Variants in MCU observed in about 807,000 individuals in gnomAD.
MCU encodes the protein calcium uniporter protein, mitochondrial.
MCU carries 12 observed loss-of-function variants against 45.2 expected under a neutral mutation model. The ratio of observed to expected loss-of-function variants is 0.27; its 90% CI spans 0.17 to 0.43. The LOEUF (loss-of-function observed/expected upper bound fraction) is 0.43, where lower values mean the gene tolerates loss of function less well. Among genes scored for constraint, MCU ranks in the 20% least tolerant of loss-of-function variants. MCU has a pLI of 1.00. For synonymous variants in MCU, 160 were observed against 165.1 expected (o/e 0.97, Z 0.24); for missense variants, 324 against 436.7 (o/e 0.74, Z 2.30).
chr10:72,853,913 C>T (rs951637263), intron 2 of MCU, among the ~76,000 whole-genome samples: 4 of 152,044 alleles, frequency 2.6e-5, no homozygotes, highest in Admixed American at 2.6e-4. Flanking sequence ...GCAGGTGGAT[C>T]CCCTGAGGTC....
rs1193681306 is a variant in MCU, at chr10:72,873,013, GT to G, written c.861+1456del. 3.4e-3 allele frequency among the ~76,000 whole-genome samples: 301 copies of G among 88,848 alleles called. 1 individual carries two copies. Among genetic ancestry groups the G allele is most frequent in the African/African-American group, 9.6e-3 (207 of 21,528 alleles). 58.3% of individuals were successfully genotyped at this position (88,848 alleles called of 152,430 possible). ...TTGTTTTTGTTTTTTTGTTTTTTGG[GT>G]TTTTTTTTTTTTTTTTTTTTTTGAG... On this transcript the variant is annotated intron_variant, in intron 6 of 7. Transcript: ENST00000373053.
intron 1 of MCU, among the ~76,000 whole-genome samples, chr10:72,827,464 C>G (rs1428216866): frequency 6.6e-6 from 1 of 152,140 alleles, no homozygotes; most frequent in Admixed American, 6.6e-5. Flanking sequence ...AGTAGCTTAG[C>G]AGTAAAACAA....
chr10:72,736,235 C>A (rs1347913017), intron 1 of MCU, among the ~76,000 whole-genome samples: 1 of 151,892 alleles, frequency 6.6e-6, no homozygotes, highest in African/African-American at 2.4e-5. Context: ...AGCCTTTATT[C>A]TTTTCTGTAG....
intron 1 of MCU, chr10:72,736,641 C>T (rs933661949): frequency 6.6e-6 from 1 of 152,198 alleles, no homozygotes; most frequent in Non-Finnish European, 1.5e-5. Flanking sequence ...AGCCACACCT[C>T]CTCCTGCCAT....
chr10:72,788,922 A>G (rs922926473), intron 1 of MCU, among the ~76,000 whole-genome samples: 2 of 152,194 alleles, frequency 1.3e-5, no homozygotes, highest in Non-Finnish European at 2.9e-5. Flanking sequence ...ATTGCTGGAT[A>G]TATCTGAATC....
chr10:72,757,853 G>T (rs1234670440), intron 1 of MCU, among the ~76,000 whole-genome samples: 1 of 152,234 alleles, frequency 6.6e-6, no homozygotes, highest in African/African-American at 2.4e-5. Context: ...AAAACAAGCA[G>T]GTGTATATTC....
chr10:72,728,344 G>A (rs1670210283), intron 1 of MCU, among the ~76,000 whole-genome samples: 1 of 152,148 alleles, frequency 6.6e-6, no homozygotes, highest in African/African-American at 2.4e-5. Flanking sequence ...TTCGCCAAAC[G>A]AGAAAGGCTG....
At chr10:72,696,182 A>T (rs1349682275) in intron 1 of MCU, among the ~76,000 whole-genome samples, 2 of 149,920 alleles carry the variant, frequency 1.3e-5, no homozygotes, top group Admixed American at 1.3e-4. Flanking sequence ...AAAAAAAAAA[A>T]AAATTTTTTT....
chr10:72,695,886 G>A (rs1399155063), intron 1 of MCU, among the ~76,000 whole-genome samples: 1 of 151,514 alleles, frequency 6.6e-6, no homozygotes, highest in African/African-American at 2.4e-5. Context: ...TTTTTTGGCT[G>A]GGTGCGGTGG....
intron 1 of MCU, among the ~76,000 whole-genome samples, chr10:72,800,985 A>T (rs1052918888): frequency 6.6e-6 from 1 of 151,730 alleles, no homozygotes; most frequent in Non-Finnish European, 1.5e-5. Flanking sequence ...CTGTAGTCCT[A>T]GGTACTTGAG....
intron 1 of MCU, among the ~76,000 whole-genome samples, chr10:72,777,530 A>G (rs1168434454): frequency 6.6e-6 from 1 of 152,202 alleles, no homozygotes; most frequent in Non-Finnish European, 1.5e-5. Flanking sequence ...AACTCTCTCC[A>G]TTCACAAAAT....
At chr10:72,824,797 T>C (rs183408519) in intron 1 of MCU, among the ~76,000 whole-genome samples, 2 of 152,280 alleles carry the variant, frequency 1.3e-5, no homozygotes, top group East Asian at 3.9e-4. Context: ...GGTCTATAGT[T>C]ATTTATATTT....
At chr10:72,692,432 C>T (rs1286482248) in intron 1 of MCU, 131 bp downstream of exon 1, 2 of 895,656 alleles carry the variant, frequency 2.2e-6, no homozygotes, top group Non-Finnish European at 1.4e-6. Flanking sequence ...TTGCCGGGCA[C>T]CGAGGAGCCG....
intron 1 of MCU, among the ~76,000 whole-genome samples, chr10:72,743,463 T>TG (rs910284941): frequency 2.2e-4 from 33 of 149,146 alleles, no homozygotes; most frequent in African/African-American, 5.4e-4. Flanking sequence ...TATATCTTTA[T>TG]GGGGGGGAGA....
intron 1 of MCU, among the ~76,000 whole-genome samples, chr10:72,749,828 G>A (rs1404966648): frequency 1.3e-5 from 2 of 151,946 alleles, no homozygotes; most frequent in African/African-American, 2.4e-5. Flanking sequence ...GTGCAGTGGC[G>A]TGATCTCAGC....
intron 1 of MCU, among the ~76,000 whole-genome samples, chr10:72,807,684 A>G (rs2132794803): frequency 6.6e-6 from 1 of 152,282 alleles, no homozygotes; most frequent in South Asian, 2.1e-4. Flanking sequence ...CTTTGCTCAG[A>G]AAATAGACCT....
At position 72,834,384 on chromosome 10, in the gene MCU, A is replaced by G. The variant is rs570236574; in HGVS notation, c.176A>G (p.Gln59Arg). The G allele has an allele frequency of 3.7e-6, 6 of 1,613,972 alleles. No individual in the cohort carries two copies. The East Asian group carries it at 6.7e-5, about 18-fold the overall frequency. The change falls in exon 2 of 8, where the codon CAG (glutamine) becomes CGG (arginine). Residue 59 changes from glutamine to arginine, a missense_variant. This residue lies in a region of MCU where 111 missense variants were observed against 112.3 expected (regional missense o/e 0.99). Transcript: ENST00000373053. ...GTACACCAGAGGATCGCTTCCTGGC[A>G]GAATTTGGGAGCTGTTTATTGCAGC... The part of the protein sequence containing the change: ...RTVHQRIASW[Q>R]NLGAVYCSTV...
chr10:72,883,900 G>T (rs1695654344), intron 6 of MCU, among the ~76,000 whole-genome samples: 1 of 152,158 alleles, frequency 6.6e-6, no homozygotes, highest in African/African-American at 2.4e-5. Flanking sequence ...GCTTAAGGAG[G>T]TAAGTTATAA....
chr10:72,731,231 T>A (rs866665402), intron 1 of MCU: 5 of 152,228 alleles, frequency 3.3e-5, no homozygotes, highest in Non-Finnish European at 5.9e-5. Context: ...CCTGGCTGCC[T>A]TATTCTTTTT....
Sources: allele counts gnomAD v4.1 joint callset (sites outside exome capture counted in the v4.1 genomes callset), GRCh38; gene constraint gnomAD v4.1.1; regional missense constraint gnomAD v4.1.1; transcripts MANE v1.5; gene names NCBI Gene and HGNC (gene_info 2026-07-23, HGNC 2026-07-21).